The following TNFRSF13B variants were observed in gnomAD, a reference collection of about 807,000 sequenced individuals.
TNFRSF13B encodes tumor necrosis factor receptor superfamily member 13B.
A neutral mutation model predicts 24.0 loss-of-function variants in TNFRSF13B; 34 were observed. The ratio of observed to expected loss-of-function variants is 1.41; its 90% CI spans 1.08 to 1.88. The LOEUF (loss-of-function observed/expected upper bound fraction) is 1.88. Ranked by LOEUF, TNFRSF13B falls within the 40% of genes most tolerant of loss-of-function variation. The pLI, the probability that TNFRSF13B is intolerant of heterozygous loss-of-function variation, is 0.00. For synonymous variants in TNFRSF13B, 173 were observed against 150.3 expected, an observed-to-expected ratio of 1.15 and a Z score of -1.10; for missense variants, 415 against 380.8, an observed-to-expected ratio of 1.09 and a Z score of -0.75.
Position 16,940,864 on chromosome 17 carries a change from T to G in TNFRSF13B, c.446-353A>C, listed in dbSNP as rs1242779030. ...CCAGGGAGCATGTCTCTGTGCATCC[T>G]GAACTGGGCCCTTCCTCCAAGGAGA... is the stretch of plus-strand genomic sequence containing the variant. On this transcript the variant is annotated intron_variant, in intron 3 of 4. Transcript: ENST00000261652. The G allele has an allele frequency of 3.4e-6, 4 of 1,181,546 alleles. No homozygotes were observed. The East Asian group carries it at 2.0e-4, about 59-fold the overall frequency. The allele number at this position is 1,181,546 out of a possible 1,614,324, so 73.2% of individuals were successfully genotyped here. A position where few individuals can be genotyped will look rare whatever the true frequency, so the allele number is the denominator to read the frequency against.
chr17:16,946,588 A>ATT (rs1170823751), intron 3 of TNFRSF13B, among the ~76,000 whole-genome samples: 3 of 116,982 alleles, frequency 2.6e-5, no homozygotes, highest in African/African-American at 9.1e-5. Flanking sequence ...TTATTTATTT[A>ATT]TTTATTTATT....
At chr17:16,955,027 G>A (rs1487943084) in intron 1 of TNFRSF13B, among the ~76,000 whole-genome samples, 2 of 152,192 alleles carry the variant, frequency 1.3e-5, no homozygotes, top group South Asian at 2.1e-4. Flanking sequence ...TCTCTGCTCT[G>A]GGAAAACAGA....
chr17:16,947,513 A>G (rs552950358), intron 3 of TNFRSF13B, among the ~76,000 whole-genome samples: 33 of 152,352 alleles, frequency 2.2e-4, no homozygotes, highest in African/African-American at 7.9e-4. Context: ...GCAAACAACA[A>G]ATAACCCCAC....
At chr17:16,941,616 C>T in intron 3 of TNFRSF13B, 1 of 981,088 alleles carries the variant, frequency 1.0e-6, no homozygotes, top group Non-Finnish European at 1.2e-6. Context: ...ATTAAAAATA[C>T]TGAGAATTTG....
intron 1 of TNFRSF13B, among the ~76,000 whole-genome samples, chr17:16,957,449 G>A (rs1567654579): frequency 6.6e-6 from 1 of 152,002 alleles, no homozygotes; most frequent in African/African-American, 2.4e-5. Flanking sequence ...AGGAATAATG[G>A]CCCCAAATTT....
intron 2 of TNFRSF13B, 28 bp from the exon 3 acceptor site, chr17:16,949,011 T>C (rs2143657055): frequency 2.5e-6 from 4 of 1,613,736 alleles, no homozygotes; most frequent in Middle Eastern, 1.6e-4. Flanking sequence ...ATGATACTGC[T>C]GGGTGACACA....
At position 16,948,779 on chromosome 17, in the gene TNFRSF13B, C is replaced by A; in HGVS notation, c.404G>T (p.Arg135Met). 6.2e-7 allele frequency: 1 copy of A among 1,614,204 alleles called. No homozygotes were observed. The highest frequency in any genetic ancestry group is 8.5e-7 in the Non-Finnish European group (1 of 1,180,046). ...GCCTCTGTGCTCCAATCCTTGGTAC[C>A]TTCCCGAGTTGTCTGAATTGTTTTC... ...EVENNSDNSGRYQGLEHRGSE... is the reference protein window; with the variant it reads ...EVENNSDNSGMYQGLEHRGSE... The change falls in exon 3 of 5, where the codon AGG becomes ATG. Residue 135 changes from arginine (R) to methionine (M), a missense_variant. By Grantham distance (91) the Arg-to-Met change is moderately conservative (BLOSUM62 -1). Transcript: ENST00000261652.
rs1487929617 is a variant in TNFRSF13B, at chr17:16,953,366, AAAGTGCAC to A, written c.62-791_62-784del. On this transcript the variant is annotated intron_variant, in intron 1 of 4. Coordinates refer to ENST00000261652, the MANE Select transcript of TNFRSF13B (RefSeq NM_012452.3). ...ATGAAACAACCACAATGATGTGTGT[AAAGTGCAC>A]AAAAAGCTGAAGAATACAGCTTGGT... Among the ~76,000 whole-genome samples, 40 of 152,318 alleles carry A rather than the reference AAAGTGCAC, an allele frequency of 2.6e-4. 1 individual carries two copies. The highest frequency in any genetic ancestry group is 6.8e-3 in the Middle Eastern group (2 of 294).
intron 1 of TNFRSF13B, among the ~76,000 whole-genome samples, chr17:16,961,692 T>G (rs537541648): frequency 6.6e-6 from 1 of 152,318 alleles, no homozygotes; most frequent in East Asian, 1.9e-4. Flanking sequence ...ATTGAATATG[T>G]CATGATGATT....
At chr17:16,968,112 G>A (rs955033824) in intron 1 of TNFRSF13B, among the ~76,000 whole-genome samples, 1 of 138,140 alleles carries the variant, frequency 7.2e-6, no homozygotes, top group South Asian at 2.2e-4. Context: ...CTGCACTCCA[G>A]CCTGGGCGAC....
In TNFRSF13B at chr17:16,964,685, G is replaced by A. The variant is rs576505473; in HGVS notation, c.61+7330C>T. Among the ~76,000 whole-genome samples the A allele has an allele frequency of 3.9e-5, 6 of 152,270 alleles. No homozygotes were observed. In the South Asian group the frequency reaches 1.2e-3, roughly 32 times the overall value. ...GAAGAAGAACTTAGTTAGGTCCTGGGAAAACTGGTCAAGTCACCTTCTCAG... is the reference window on the plus strand; with the variant it reads ...GAAGAAGAACTTAGTTAGGTCCTGGAAAAACTGGTCAAGTCACCTTCTCAG... On this transcript the variant is annotated intron_variant, in intron 1 of 4. Coordinates refer to ENST00000261652, the MANE Select transcript of TNFRSF13B (RefSeq NM_012452.3).
At chr17:16,940,589 C>G in intron 3 of TNFRSF13B, 78 bp from the exon 4 acceptor site, 2 of 1,552,212 alleles carry the variant, frequency 1.3e-6, no homozygotes, top group Non-Finnish European at 8.7e-7. Context: ...CCACATCCCC[C>G]CATCCCCCTG....
chr17:16,946,390 GC>G (rs2087547793), intron 3 of TNFRSF13B, among the ~76,000 whole-genome samples: 1 of 152,118 alleles, frequency 6.6e-6, no homozygotes, highest in Non-Finnish European at 1.5e-5. Flanking sequence ...CCTTTCTGAT[GC>G]CACAGAGCAG....
intron 1 of TNFRSF13B, among the ~76,000 whole-genome samples, chr17:16,956,976 G>A (rs770278001): frequency 2.6e-5 from 4 of 152,132 alleles, no homozygotes; most frequent in Non-Finnish European, 5.9e-5. Flanking sequence ...GTACAACACT[G>A]AGAGTGAACC....
At chr17:16,943,468 G>C (rs1352587693) in intron 3 of TNFRSF13B, among the ~76,000 whole-genome samples, 1 of 152,138 alleles carries the variant, frequency 6.6e-6, no homozygotes. Flanking sequence ...CTAATCTCAT[G>C]CCAATGCACT....
intron 3 of TNFRSF13B, 186 bp from the exon 4 acceptor site, chr17:16,940,697 C>G (rs1485671868): frequency 2.1e-6 from 3 of 1,456,998 alleles, no homozygotes; most frequent in South Asian, 1.4e-5. Flanking sequence ...GATCCACTCC[C>G]CCATCCTGGC....
At chr17:16,939,843 C>A in intron 4 of TNFRSF13B, 46 bp from the exon 5 acceptor site, 1 of 1,592,090 alleles carries the variant, frequency 6.3e-7, no homozygotes, top group Non-Finnish European at 8.5e-7. Context: ...TGGCCCTGCA[C>A]TAGGGTAGGG....
intron 1 of TNFRSF13B, among the ~76,000 whole-genome samples, chr17:16,965,141 G>T (rs767237064): frequency 4.6e-5 from 7 of 151,858 alleles, no homozygotes; most frequent in Non-Finnish European, 8.8e-5. Flanking sequence ...ACAGGGTCTT[G>T]CTCTGTCTCT....
At position 16,951,343 on chromosome 17, in the gene TNFRSF13B, AAC is replaced by A. The variant is rs2087587307; in HGVS notation, c.199+1101_199+1102del. Among the ~76,000 whole-genome samples the A allele has an allele frequency of 2.6e-5, 4 of 152,356 alleles. No homozygotes were observed. In the South Asian group the frequency reaches 6.2e-4, roughly 24 times the overall value. ...AGTCTAGTGGTTGAGTCAGACATAA[AAC>A]ACATACACATGAAAGAACAAAACAG... is the stretch of plus-strand genomic sequence containing the variant. On this transcript the variant is annotated intron_variant, in intron 2 of 4. Coordinates refer to ENST00000261652, the MANE Select transcript of TNFRSF13B (RefSeq NM_012452.3).
Sources: gnomAD v4.1 joint callset for allele counts (sites outside exome capture counted in the v4.1 genomes callset) on GRCh38, gnomAD v4.1.1 for gene constraint, MANE v1.5 for transcripts, NCBI Gene and HGNC (gene_info 2026-07-23, HGNC 2026-07-21) for gene names.